The following IL4R variants were observed in gnomAD, a reference collection of about 807,000 sequenced individuals.
The protein encoded by IL4R is interleukin 4 receptor.
Under a neutral mutation model 41.5 loss-of-function variants are expected in IL4R, and 17 were observed. The ratio of observed to expected loss-of-function variants is 0.41; its 90% CI spans 0.28 to 0.61. The LOEUF (loss-of-function observed/expected upper bound fraction) is 0.61, where lower values mean the gene tolerates loss of function less well. IL4R is among the 20% of genes least tolerant of loss of function. The pLI, the probability that IL4R is intolerant of heterozygous loss-of-function variation, is 0.31. For synonymous variants in IL4R, 402 were observed against 422.9 expected (o/e 0.95, Z 0.61); for missense variants, 974 against 1,043.1 (o/e 0.93, Z 0.91).
At chr16:27,356,237 G>A (rs1239493898) in intron 8 of IL4R, among the ~76,000 whole-genome samples, 5 of 151,892 alleles carry the variant, frequency 3.3e-5, no homozygotes, top group East Asian at 1.9e-4. Context: ...GATTACAGGC[G>A]CATGCCACTA....
chr16:27,362,182 G>A (rs2086318665), intron 10 of IL4R, 70 bp from the exon 11 acceptor site: 1 of 1,488,600 alleles, frequency 6.7e-7, no homozygotes, highest in Non-Finnish European at 9.2e-7. Context: ...ATTTCAGGCT[G>A]GGCTTTGAAG....
chr16:27,332,256 A>G (rs548088971), intron 2 of IL4R, among the ~76,000 whole-genome samples: 27 of 152,230 alleles, frequency 1.8e-4, no homozygotes, highest in African/African-American at 6.3e-4. Context: ...AGGGCTGGGG[A>G]GGCTTCAGGA....
chr16:27,321,036 C>G (rs768889555), intron 1 of IL4R, among the ~76,000 whole-genome samples: 1 of 151,914 alleles, frequency 6.6e-6, no homozygotes, highest in African/African-American at 2.4e-5. Flanking sequence ...CTCTGCCTCC[C>G]GGGTTCAAGT....
chr16:27,337,398 G>A (rs1001491509), intron 2 of IL4R, among the ~76,000 whole-genome samples: 1 of 152,044 alleles, frequency 6.6e-6, no homozygotes, highest in Non-Finnish European at 1.5e-5. Context: ...CACAGCCAGA[G>A]CACCAAAAGA....
chr16:27,347,379 T>G (rs1418109672), intron 6 of IL4R, among the ~76,000 whole-genome samples: 1 of 152,098 alleles, frequency 6.6e-6, no homozygotes, highest in African/African-American at 2.4e-5. Flanking sequence ...TTAGTAGAGA[T>G]GGGGTTTCAC....
intron 4 of IL4R, among the ~76,000 whole-genome samples, chr16:27,343,418 TG>T (rs2085507930): frequency 2.0e-5 from 3 of 151,892 alleles, no homozygotes; most frequent in African/African-American, 2.4e-5. Context: ...GTTTTTTGTT[TG>T]TTTGTTTGTT....
rs768492688 is a variant in IL4R, at chr16:27,340,207, G to A, written c.4G>A (p.Gly2Arg). Residue 2 changes from glycine (G) to arginine (R), a missense_variant, in exon 3 of 11, where the codon GGG (glycine) becomes AGG (arginine). Physicochemically the swap from Gly to Arg is moderately radical, Grantham distance 125 (BLOSUM62 -2). This residue lies in a region of IL4R where 284 missense variants were observed against 313.4 expected (regional missense o/e 0.91). Transcript: ENST00000395762. ...GCAGGTGCCTTGGCATCTCCCAATGGGGTGGCTTTGCTCTGGGCTCCTGTT... is the reference window on the plus strand; with the variant it reads ...GCAGGTGCCTTGGCATCTCCCAATGAGGTGGCTTTGCTCTGGGCTCCTGTT... The part of the protein sequence containing the change: M[G>R]WLCSGLLFPV... 6.2e-7 allele frequency: 1 copy of A among 1,613,580 alleles called. No individual in the cohort carries two copies. The highest frequency in any genetic ancestry group is 2.2e-5 in the East Asian group (1 of 44,876).
At chr16:27,326,845 G>A (rs1361388114) in intron 1 of IL4R, among the ~76,000 whole-genome samples, 1 of 152,124 alleles carries the variant, frequency 6.6e-6, no homozygotes, top group East Asian at 1.9e-4. Context: ...TGGGGACGGA[G>A]CCAACCAGGC....
intron 1 of IL4R, among the ~76,000 whole-genome samples, chr16:27,320,533 G>T (rs1352830751): frequency 2.0e-5 from 3 of 152,100 alleles, no homozygotes; most frequent in Non-Finnish European, 4.4e-5. Context: ...GGGTGACACG[G>T]CTCCTAAGTG....
chr16:27,329,999 G>A (rs2085070250), intron 1 of IL4R, 67 bp from the exon 2 acceptor site: 1 of 152,052 alleles, frequency 6.6e-6, no homozygotes, highest in Admixed American at 6.6e-5. Context: ...GGAGGGGAAT[G>A]TTAGAGGGAT....
At position 27,363,378 on chromosome 16, in the gene IL4R, G is replaced by C. The variant is rs555008702; in HGVS notation, c.2026G>C (p.Glu676Gln). ...QSSHLPSSSPEHLGLEPGEKV... is the reference protein window; with the variant it reads ...QSSHLPSSSPQHLGLEPGEKV... ...CTCACATCTCCCAAGCAGCTCCCCA[G>C]AGCACCTGGGTCTGGAGCCGGGGGA... The change falls in exon 11 of 11, where the codon GAG (glutamate) becomes CAG (glutamine). Residue 676 changes from glutamate (E) to glutamine (Q), a missense_variant. This residue lies in a region of IL4R where 682 missense variants were observed against 704.3 expected (regional missense o/e 0.97). Transcript: ENST00000395762. 1 of 1,614,134 alleles carries C rather than the reference G, an allele frequency of 6.2e-7. No individual in the cohort carries two copies. Among genetic ancestry groups the C allele is most frequent in the Admixed American group, 1.7e-5 (1 of 60,018 alleles).
rs745374247 is a variant in IL4R, at chr16:27,358,942, T to G, written c.797T>G (p.Ile266Ser). The G allele has an allele frequency of 1.2e-6, 2 of 1,614,028 alleles. No individual in the cohort carries two copies. The highest frequency in any genetic ancestry group is 2.2e-5 in the South Asian group (2 of 91,078). ...TKIKKEWWDQ[I>S]PNPARSRLVA... ...ATTAAGAAAGAATGGTGGGATCAGA[T>G]TCCCAACCCAGCCCGCAGCCGCCTC... The change falls in exon 9 of 11, where the codon ATT becomes AGT. Residue 266 changes from isoleucine (I) to serine (S), a missense_variant. By Grantham distance (142) the Ile-to-Ser change is moderately radical (BLOSUM62 -2). Coordinates refer to ENST00000395762, the MANE Select transcript of IL4R (RefSeq NM_000418.4).
chr16:27,352,349 C>A (rs969539619), intron 6 of IL4R, among the ~76,000 whole-genome samples, 191 bp from the exon 7 acceptor site: 1 of 152,170 alleles, frequency 6.6e-6, no homozygotes, highest in Admixed American at 6.5e-5. Context: ...AGTCGAGGAG[C>A]CTGACGCATG....
chr16:27,318,277 T>C (rs750733709), intron 1 of IL4R, among the ~76,000 whole-genome samples: 3 of 152,204 alleles, frequency 2.0e-5, no homozygotes, highest in Admixed American at 6.5e-5. Flanking sequence ...GTGACCTTTC[T>C]ACAGCCTGAG....
In IL4R at chr16:27,362,954, C is replaced by A. The variant is rs35660490; in HGVS notation, c.1602C>A (p.Pro534=). 2.8e-5 allele frequency: 46 copies of A among 1,614,168 alleles called. No individual in the cohort carries two copies. Among genetic ancestry groups the A allele is most frequent in the Non-Finnish European group, 3.9e-5 (46 of 1,180,046 alleles). Residue 534 remains proline, a synonymous_variant, in exon 11 of 11, where the codon CCC becomes CCA. Transcript: ENST00000395762. ...TAGAACCCGAGATGCCCTGTGTCCC[C>A]CAGCTCTCTGAGCCAACCACTGTGC... is the stretch of plus-strand genomic sequence containing the variant. ...EEVEPEMPCV[P]QLSEPTTVPQ...
At chr16:27,315,863 A>C (rs1232784447) in intron 1 of IL4R, among the ~76,000 whole-genome samples, 1 of 152,224 alleles carries the variant, frequency 6.6e-6, no homozygotes, top group Non-Finnish European at 1.5e-5. Flanking sequence ...GGGAGGCAGC[A>C]GGGAGGAAAA....
chr16:27,351,212 G>A (rs3024600), intron 6 of IL4R, among the ~76,000 whole-genome samples: 33 of 152,066 alleles, frequency 2.2e-4, no homozygotes, highest in East Asian at 1.2e-3. Context: ...CCTCAGTTTC[G>A]TGCTGGCTGT....
intron 2 of IL4R, among the ~76,000 whole-genome samples, chr16:27,337,131 A>T (rs2085284362): frequency 6.6e-6 from 1 of 151,898 alleles, no homozygotes. Flanking sequence ...AAAAAAGAAG[A>T]AGTGTAGGTG....
At chr16:27,313,892 G>T, upstream of IL4R, 8 of 984,540 alleles carry the variant, frequency 8.1e-6, no homozygotes, top group Non-Finnish European at 9.6e-6. Flanking sequence ...GCGGGGAGCA[G>T]GAAGCCGGGG....
Sources: allele counts gnomAD v4.1 joint callset (sites outside exome capture counted in the v4.1 genomes callset), GRCh38; gene constraint gnomAD v4.1.1; regional missense constraint gnomAD v4.1.1; transcripts MANE v1.5; gene names NCBI Gene and HGNC (gene_info 2026-07-23, HGNC 2026-07-21).